The following ARHGEF10L variants were observed in gnomAD, a reference collection of about 807,000 sequenced individuals.
ARHGEF10L encodes rho guanine nucleotide exchange factor 10-like protein.
Under a neutral mutation model 141.2 loss-of-function variants are expected in ARHGEF10L, and 69 were observed. That is an observed-to-expected ratio of 0.49 (90% CI 0.40 to 0.60). ARHGEF10L has a LOEUF of 0.60. Ranked by LOEUF, ARHGEF10L falls within the 20% of genes least tolerant of loss-of-function variation. The pLI is 0.00. For synonymous variants in ARHGEF10L, 711 were observed against 718.5 expected (o/e 0.99, Z 0.17); for missense variants, 1,482 against 1,734.3 (o/e 0.85, Z 2.58).
chr1:17,640,879 TACATGC>T (rs2061292600), intron 21 of ARHGEF10L, among the ~76,000 whole-genome samples: 1 of 152,280 alleles, frequency 6.6e-6, no homozygotes, highest in Non-Finnish European at 1.5e-5. Flanking sequence ...AATGGATATT[TACATGC>T]ACTTTTCTGA....
chr1:17,650,515 T>C (rs182005525), intron 22 of ARHGEF10L, among the ~76,000 whole-genome samples: 4 of 152,112 alleles, frequency 2.6e-5, no homozygotes, highest in Admixed American at 2.0e-4. Context: ...GGTGGATCAC[T>C]TGAGGTCAGG....
chr1:17,692,284 A>G (rs2065161127), intron 27 of ARHGEF10L, among the ~76,000 whole-genome samples: 1 of 152,064 alleles, frequency 6.6e-6, no homozygotes, highest in Non-Finnish European at 1.5e-5. Context: ...TCCACATTGC[A>G]GGGACGCTAT....
At chr1:17,522,570 T>C in the ARHGEF10L span, among the ~76,000 whole-genome samples, 1 of 151,662 alleles carries the variant, frequency 6.6e-6, no homozygotes, top group African/African-American at 2.4e-5. Flanking sequence ...GAAATCCTCG[T>C]CGGGGGCAGA....
chr1:17,538,859 T>TA (rs1483926201), upstream of ARHGEF10L, among the ~76,000 whole-genome samples: 6 of 152,154 alleles, frequency 3.9e-5, no homozygotes, highest in African/African-American at 1.4e-4. Flanking sequence ...TCCTTGCAAA[T>TA]AGAGGGGTAG....
chr1:17,669,484 A>G (rs1306312234), intron 26 of ARHGEF10L, among the ~76,000 whole-genome samples: 1 of 152,230 alleles, frequency 6.6e-6, no homozygotes, highest in Non-Finnish European at 1.5e-5. Flanking sequence ...AGAGGCACAG[A>G]GAGGTTAAGT....
At chr1:17,641,135 G>A (rs1407637722) in intron 21 of ARHGEF10L, among the ~76,000 whole-genome samples, 1 of 152,190 alleles carries the variant, frequency 6.6e-6, no homozygotes, top group Non-Finnish European at 1.5e-5. Context: ...TCTGCAGACT[G>A]CATTCATTAA....
At position 17,644,173 on chromosome 1, in the gene ARHGEF10L, C is replaced by T. The variant is rs2061468006; in HGVS notation, c.2272+3871C>T. On this transcript the variant is annotated intron_variant, in intron 21 of 28. Coordinates refer to ENST00000361221, the MANE Select transcript of ARHGEF10L (RefSeq NM_018125.4). The surrounding 1 kb of genome is among the most constrained non-coding windows in gnomAD (Gnocchi z 4.5). ...AGGGACATAACCAGGTGGCCCAAGG[C>T]AGTGAGCCTGAGCGCAGGGCTGGGC... 6.6e-6 allele frequency among the ~76,000 whole-genome samples: 1 copy of T among 152,262 alleles called. No homozygotes were observed. The highest frequency in any genetic ancestry group is 2.4e-5 in the African/African-American group (1 of 41,474).
chr1:17,607,946 C>T lies in ARHGEF10L; in HGVS notation c.578C>T (p.Pro193Leu), dbSNP rs545859145. ...GCCAAGCCGGAGGTCGAGGTCGAGC[C>T]CGCCAAGCACCGAGTGTCCTTCCAG... ...EEAKPEVEVEPAKHRVSFQPK... is the reference protein window; with the variant it reads ...EEAKPEVEVELAKHRVSFQPK... Residue 193 changes from proline (P) to leucine (L), a missense_variant, in exon 7 of 29, where the codon CCC becomes CTC. Physicochemically the swap from Pro to Leu is moderately conservative, Grantham distance 98. Transcript: ENST00000361221. This position sits in a 1 kb window ranked among gnomAD's most constrained non-coding sequence, Gnocchi z 4.5. 7.4e-6 allele frequency: 11 copies of T among 1,494,540 alleles called. 1 individual carries two copies. The South Asian group carries it at 1.5e-4, about 20-fold the overall frequency. The allele number at this position is 1,494,540 out of a possible 1,614,324, so 92.6% of individuals were successfully genotyped here. A position where few individuals can be genotyped will look rare whatever the true frequency, so the allele number is the denominator to read the frequency against.
chr1:17,607,760 G>T lies in ARHGEF10L; in HGVS notation c.434-42G>T, dbSNP rs773556683. 3 of 1,464,654 alleles carry T rather than the reference G, an allele frequency of 2.0e-6. No homozygotes were observed. In the Admixed American group the frequency reaches 7.9e-5, roughly 38 times the overall value. The allele number at this position is 1,464,654 out of a possible 1,614,324, so 90.7% of individuals were successfully genotyped here. A position where few individuals can be genotyped will look rare whatever the true frequency, so the allele number is the denominator to read the frequency against. On this transcript the variant is annotated intron_variant, in intron 6 of 28. Transcript: ENST00000361221. The surrounding 1 kb of genome is among the most constrained non-coding windows in gnomAD (Gnocchi z 4.5). ...CTGAGGCTGGAAGTCTGGTAGGCTT[G>T]GCCTCAGGGCCTGGGCTCACCGGCT...
intron 4 of ARHGEF10L, among the ~76,000 whole-genome samples, chr1:17,600,488 G>T (rs902807961): frequency 1.3e-5 from 2 of 152,098 alleles, no homozygotes; most frequent in African/African-American, 4.8e-5. Flanking sequence ...AGGGAACATA[G>T]AGCTCCACAT....
chr1:17,588,018 C>T (rs954109452), intron 3 of ARHGEF10L, among the ~76,000 whole-genome samples: 1 of 152,288 alleles, frequency 6.6e-6, no homozygotes, highest in African/African-American at 2.4e-5. Flanking sequence ...GGGGAGCTGG[C>T]AACCCTGGGG....
At chr1:17,574,977 C>T (rs1425230617) in intron 1 of ARHGEF10L, among the ~76,000 whole-genome samples, 1 of 152,216 alleles carries the variant, frequency 6.6e-6, no homozygotes, top group Non-Finnish European at 1.5e-5. Context: ...GGGCCGAAGC[C>T]CCACACAAGC....
intron 1 of ARHGEF10L, among the ~76,000 whole-genome samples, chr1:17,579,462 G>A (rs1233179634): frequency 6.6e-6 from 1 of 152,104 alleles, no homozygotes; most frequent in Admixed American, 6.5e-5. Flanking sequence ...TGTGATCTTG[G>A]GCAAGTTACT....
rs969148445 is a variant in ARHGEF10L at position 17,608,690 on chromosome 1, C to T, written c.609+713C>T. Among the ~76,000 whole-genome samples the T allele has an allele frequency of 3.9e-5, 6 of 152,286 alleles. No homozygotes were observed. In the South Asian group the frequency reaches 1.0e-3, roughly 26 times the overall value. On this transcript the variant is annotated intron_variant, in intron 7 of 28. Coordinates refer to ENST00000361221, the MANE Select transcript of ARHGEF10L (RefSeq NM_018125.4). The stretch of plus-strand genomic sequence containing the variant: ...AAGCCACCAAGAGGCAGTGTCTGTC[C>T]GTGCTGAGATTTGCAGTTTCATGGG...
At chr1:17,691,901 A>G (rs2065136560) in intron 27 of ARHGEF10L, among the ~76,000 whole-genome samples, 1 of 152,164 alleles carries the variant, frequency 6.6e-6, no homozygotes, top group Non-Finnish European at 1.5e-5. Context: ...ACCATGAGCC[A>G]AGGTACTTGG....
chr1:17,622,782 A>G (rs1472558952), intron 11 of ARHGEF10L, among the ~76,000 whole-genome samples: 1 of 152,136 alleles, frequency 6.6e-6, no homozygotes, highest in African/African-American at 2.4e-5. Flanking sequence ...CGACCAATTA[A>G]CACAGAAGCA....
In ARHGEF10L at chr1:17,550,503, T is replaced by TCC. The variant is rs1430624337; in HGVS notation, c.-44+10553_-44+10554insCC. Among the ~76,000 whole-genome samples, 6 of 151,522 alleles carry TCC rather than the reference T, an allele frequency of 4.0e-5. No homozygotes were observed. The South Asian group carries it at 1.0e-3, about 26-fold the overall frequency. Reference sequence around the variant, plus strand: ...ACTGAAAATACAAAAATTAGCCAGGTGTGGTGGCGGGCGCCTGTAATCCCA... The same window carrying TCC: ...ACTGAAAATACAAAAATTAGCCAGGTCCGTGGTGGCGGGCGCCTGTAATCCCA... On this transcript the variant is annotated intron_variant, in intron 1 of 28. Coordinates refer to ENST00000361221, the MANE Select transcript of ARHGEF10L (RefSeq NM_018125.4).
At chr1:17,526,471 G>A in the ARHGEF10L span, among the ~76,000 whole-genome samples, 1 of 152,210 alleles carries the variant, frequency 6.6e-6, no homozygotes, top group African/African-American at 2.4e-5. Flanking sequence ...ACTTGGATGA[G>A]TCACTTGGTC....
chr1:17,551,080 C>A (rs897189373), intron 1 of ARHGEF10L, among the ~76,000 whole-genome samples: 1 of 151,982 alleles, frequency 6.6e-6, no homozygotes, highest in African/African-American at 2.4e-5. Context: ...GGATTCACAC[C>A]AAGGGGGGCA....
Sources: gnomAD v4.1 joint callset for allele counts (sites outside exome capture counted in the v4.1 genomes callset) on GRCh38, gnomAD v4.1.1 for gene constraint, Gnocchi (gnomAD v3.1) non-coding constraint, MANE v1.5 for transcripts, NCBI Gene and HGNC (gene_info 2026-07-23, HGNC 2026-07-21) for gene names.